NSD2: variants seen among roughly 807,000 people sequenced by gnomAD.
NSD2 encodes histone-lysine N-methyltransferase NSD2.
Under a neutral mutation model 139.0 loss-of-function variants are expected in NSD2, and 12 were observed. That is an observed-to-expected ratio of 0.09 (90% CI 0.06 to 0.14). NSD2 has a LOEUF of 0.14. Among genes scored for constraint, NSD2 ranks in the 10% least tolerant of loss-of-function variants. The pLI, the probability that NSD2 is intolerant of heterozygous loss-of-function variation, is 1.00. For synonymous variants in NSD2, 669 were observed against 648.7 expected (o/e 1.03, Z -0.48); for missense variants, 1,155 against 1,745.0 (o/e 0.66, Z 6.02).
In NSD2 at chr4:1,916,930, G is replaced by A. The variant is rs754123039; in HGVS notation, c.820G>A (p.Ala274Thr). The A allele has an allele frequency of 6.2e-7, 1 of 1,614,188 alleles. No homozygotes were observed. Among genetic ancestry groups the A allele is most frequent in the Non-Finnish European group, 8.5e-7 (1 of 1,180,026 alleles). ...VQFFGDAPERAWIFEKSLVAF... is the reference protein window; with the variant it reads ...VQFFGDAPERTWIFEKSLVAF... ...GTTCTTTGGTGACGCCCCAGAAAGA[G>A]CTTGGATATTTGAGAAGAGCCTCGT... The change falls in exon 4 of 22, where the codon GCT (alanine) becomes ACT (threonine). Residue 274 changes from alanine to threonine, a missense_variant. Ala to Thr is a moderately conservative substitution (Grantham distance 58). Coordinates refer to ENST00000508803, the MANE Select transcript of NSD2 (RefSeq NM_001042424.3).
rs1725177741 is a variant in NSD2, at chr4:1,959,716, G to A, written c.3231G>A (p.Leu1077=). The change falls in exon 17 of 22, where the codon CTG becomes CTA. Residue 1077 remains leucine (L), a synonymous_variant. Transcript: ENST00000508803. ...IIKTDGKGWG[L]VAKRDIRKGE... ...AGACAGATGGCAAAGGGTGGGGCCT[G>A]GTCGCCAAGAGGGACATCAGAAAGG... is the stretch of plus-strand genomic sequence containing the variant. 1 of 1,613,930 alleles carries A rather than the reference G, an allele frequency of 6.2e-7. No individual in the cohort carries two copies. Among genetic ancestry groups the A allele is most frequent in the Admixed American group, 1.7e-5 (1 of 59,998 alleles).
intron 9 of NSD2, chr4:1,946,199 C>T (rs1424313077): frequency 1.9e-5 from 19 of 1,016,142 alleles, no homozygotes; most frequent in South Asian, 1.9e-4. Flanking sequence ...TCTTAAAATA[C>T]TCACAAAGCT....
At position 1,892,572 on chromosome 4, in the gene NSD2, C is replaced by CT. The variant is rs35224531; in HGVS notation, c.-29-8043dup. Reference sequence around the variant, plus strand: ...CCCCCTTAGAAAACCACTGATAACTCTTTTTTTTTTTGAGACGGAGTCTTG... The same window carrying CT: ...CCCCCTTAGAAAACCACTGATAACTCTTTTTTTTTTTTGAGACGGAGTCTTG... On this transcript the variant is annotated intron_variant, in intron 1 of 21. Coordinates refer to ENST00000508803, the MANE Select transcript of NSD2 (RefSeq NM_001042424.3). Among the ~76,000 whole-genome samples, 548 of 147,844 alleles carry CT rather than the reference C, an allele frequency of 3.7e-3. 3 individuals carry two copies. Among genetic ancestry groups the CT allele is most frequent in the Middle Eastern group, 0.01 (3 of 288 alleles).
rs139360679 is a variant in NSD2, at chr4:1,977,052, G to A, written c.3826+373G>A. ...CTAGGAGAAAGGCCTCTACAACAGTGTCTCCCTGGCAGCCCAGAGGGGCCT... is the reference window on the plus strand; with the variant it reads ...CTAGGAGAAAGGCCTCTACAACAGTATCTCCCTGGCAGCCCAGAGGGGCCT... On this transcript the variant is annotated intron_variant, in intron 21 of 21. Transcript: ENST00000508803. 2.6e-3 allele frequency among the ~76,000 whole-genome samples: 393 copies of A among 152,356 alleles called. 2 individuals are homozygous for A. The highest frequency in any genetic ancestry group is 9.3e-3 in the African/African-American group (385 of 41,578).
chr4:1,882,965 C>A (rs1714813900), intron 1 of NSD2, among the ~76,000 whole-genome samples: 1 of 152,042 alleles, frequency 6.6e-6, no homozygotes, highest in Non-Finnish European at 1.5e-5. Flanking sequence ...AGGCTGTTGG[C>A]GTCAGTCTTG....
intron 12 of NSD2, 122 bp downstream of exon 12, chr4:1,953,646 C>T (rs1009580756): frequency 8.0e-6 from 10 of 1,256,230 alleles, no homozygotes; most frequent in Non-Finnish European, 1.1e-5. Flanking sequence ...TCTTGAGTGA[C>T]TAACTGGACA....
rs776755162 is a variant in NSD2, at chr4:1,978,687, G to A, written c.3876G>A (p.Ser1292=). The change falls in exon 22 of 22, where the codon TCG becomes TCA. Residue 1292 remains serine (S), a synonymous_variant. Transcript: ENST00000508803. The part of the protein sequence containing the change: ...WHHCDVCGKP[S]TSFCHLCPNS... ...ATTGTGACGTGTGTGGCAAACCTTC[G>A]ACTTCATTTTGCCACCTCTGCCCCA... The A allele has an allele frequency of 8.1e-6, 13 of 1,613,878 alleles. No homozygotes were observed. In the South Asian group the frequency reaches 8.8e-5, roughly 11 times the overall value.
At chr4:1,922,560 G>T (rs1364080214) in intron 5 of NSD2, among the ~76,000 whole-genome samples, 1 of 152,186 alleles carries the variant, frequency 6.6e-6, no homozygotes, top group Non-Finnish European at 1.5e-5. Flanking sequence ...AGTGGATGCT[G>T]CTGTGGCCAC....
chr4:1,952,121 C>T lies in NSD2; in HGVS notation c.2027C>T (p.Pro676Leu), dbSNP rs773890550. The T allele has an allele frequency of 6.8e-6, 11 of 1,613,874 alleles. No individual in the cohort carries two copies. Among genetic ancestry groups the T allele is most frequent in the Middle Eastern group, 1.6e-4 (1 of 6,064 alleles). ...KEYVCQLCEK[P>L]GSLLLCEGPC... Reference sequence around the variant, plus strand: ...CTGCCCCCGCAGCTGTGTGAGAAGCCGGGCAGCCTCCTGCTCTGTGAAGGA... The same window carrying T: ...CTGCCCCCGCAGCTGTGTGAGAAGCTGGGCAGCCTCCTGCTCTGTGAAGGA... Residue 676 changes from proline to leucine, a missense_variant, in exon 11 of 22, where the codon CCG becomes CTG. Pro to Leu is a moderately conservative substitution (Grantham distance 98). Around this residue, in one of 8 missense-constraint regions of NSD2, gnomAD observed 120 missense variants for 239.3 expected, o/e 0.50. Coordinates refer to ENST00000508803, the MANE Select transcript of NSD2 (RefSeq NM_001042424.3).
In NSD2 at chr4:1,917,016, C is replaced by T; in HGVS notation, c.906C>T (p.Pro302=). The change falls in exon 4 of 22, where the codon CCC becomes CCT. Residue 302 remains proline (P), a synonymous_variant. Transcript: ENST00000508803. ...GCCAGGAAAGTGCCAAGCAGGCACC[C>T]ACGAAAGCTGAGAAAATTAAGGTGA... ...KLCQESAKQA[P]TKAEKIKLLK... 6.2e-7 allele frequency: 1 copy of T among 1,612,740 alleles called. No homozygotes were observed. Among genetic ancestry groups the T allele is most frequent in the Non-Finnish European group, 8.5e-7 (1 of 1,179,566 alleles).
At chr4:1,915,650 G>C (rs1719291065) in intron 3 of NSD2, among the ~76,000 whole-genome samples, 1 of 152,168 alleles carries the variant, frequency 6.6e-6, no homozygotes, top group Non-Finnish European at 1.5e-5. Context: ...ACGACACTTA[G>C]AGCTGCCTGC....
At chr4:1,880,677 A>G (rs1182696797) in intron 1 of NSD2, among the ~76,000 whole-genome samples, 1 of 152,196 alleles carries the variant, frequency 6.6e-6, no homozygotes, top group African/African-American at 2.4e-5. Context: ...ATCTACAGGA[A>G]ATACAGGGGC....
chr4:1,950,946 G>T, intron 9 of NSD2, 126 bp from the exon 10 acceptor site: 3 of 1,271,368 alleles, frequency 2.4e-6, no homozygotes, highest in Non-Finnish European at 3.3e-6. Flanking sequence ...ATCACTGGCG[G>T]TACAGGACCA....
At chr4:1,896,044 C>T (rs2108726461) in intron 1 of NSD2, among the ~76,000 whole-genome samples, 1 of 152,350 alleles carries the variant, frequency 6.6e-6, no homozygotes, top group Admixed American at 6.5e-5. Flanking sequence ...CCTCTGTCCT[C>T]AGGACATGGA....
intron 18 of NSD2, among the ~76,000 whole-genome samples, chr4:1,967,056 A>G (rs567488430): frequency 8.5e-5 from 13 of 152,276 alleles, no homozygotes; most frequent in African/African-American, 3.1e-4. Context: ...AAGAGAAAAG[A>G]CTCACATAAC....
rs1005607710 is a variant in NSD2 at position 1,958,305 on chromosome 4, G to A, written c.2985+269G>A. Among the ~76,000 whole-genome samples the A allele has an allele frequency of 3.9e-5, 6 of 152,230 alleles. No homozygotes were observed. The highest frequency in any genetic ancestry group is 1.2e-4 in the African/African-American group (5 of 41,458). ...GACAGTCCTGACCGGGCTGCTTGGA[G>A]CAGGAGGAGCTGAGGGATGAGCCTC... On this transcript the variant is annotated intron_variant, in intron 16 of 21. Transcript: ENST00000508803. The surrounding 1 kb of genome is among the most constrained non-coding windows in gnomAD (Gnocchi z 4.6).
At chr4:1,900,551 A>C in intron 1 of NSD2, 75 bp from the exon 2 acceptor site, 1 of 940,962 alleles carries the variant, frequency 1.1e-6, no homozygotes, top group Non-Finnish European at 1.6e-6. Flanking sequence ...AAAGCTGTAG[A>C]GGTCCTGGCA....
In NSD2 at chr4:1,979,001, C is replaced by G; in HGVS notation, c.*92C>G. ...GCGAGCATGAACTGGCCCGGAGGAC[C>G]CAGCTCGAGCCGCCAGGACACAGAC... On this transcript the variant is annotated 3_prime_UTR_variant, in exon 22 of 22. Transcript: ENST00000508803. The G allele has an allele frequency of 7.1e-7, 1 of 1,411,044 alleles. No homozygotes were observed. The highest frequency in any genetic ancestry group is 9.3e-7 in the Non-Finnish European group (1 of 1,078,748). The allele number at this position is 1,411,044 out of a possible 1,614,324, so 87.4% of individuals were successfully genotyped here.
intron 3 of NSD2, among the ~76,000 whole-genome samples, chr4:1,905,447 G>T (rs1717764247): frequency 6.6e-6 from 1 of 152,244 alleles, no homozygotes; most frequent in Admixed American, 6.5e-5. Context: ...CCCCTTGGTG[G>T]TCCTTGCGTA....
Sources: allele counts gnomAD v4.1 joint callset (sites outside exome capture counted in the v4.1 genomes callset), GRCh38; gene constraint gnomAD v4.1.1; regional missense constraint gnomAD v4.1.1; non-coding constraint Gnocchi (gnomAD v3.1); transcripts MANE v1.5; gene names NCBI Gene and HGNC (gene_info 2026-07-23, HGNC 2026-07-21).